Variants in NLRC5 observed in about 807,000 individuals in gnomAD.
NLRC5 encodes NLR family CARD domain containing 5.
A neutral mutation model predicts 206.9 loss-of-function variants in NLRC5; 114 were observed. That is an observed-to-expected ratio of 0.55 (90% confidence interval 0.47 to 0.64). The LOEUF is 0.64. NLRC5 is among the 30% of genes least tolerant of loss of function. The probability of loss-of-function intolerance (pLI) is 0.00; values close to 1 mark genes in which losing one functional copy is unlikely to be tolerated. For synonymous variants in NLRC5, 952 were observed against 962.8 expected, an observed-to-expected ratio of 0.99 and a Z score of 0.21; for missense variants, 2,008 against 2,305.5, an observed-to-expected ratio of 0.87 and a Z score of 2.64.
chr16:57,019,477 T>C (rs2060433581), intron 2 of NLRC5, among the ~76,000 whole-genome samples: 1 of 152,108 alleles, frequency 6.6e-6, no homozygotes, highest in African/African-American at 2.4e-5. Flanking sequence ...AGGATTAGAG[T>C]TCACTGTGAG....
chr16:57,075,984 C>T (rs2068349462), intron 39 of NLRC5: 1 of 168,306 alleles, frequency 5.9e-6, no homozygotes, highest in Admixed American at 6.3e-5. Flanking sequence ...CATGATCTCA[C>T]TTCACTGCAA....
At chr16:57,013,119 T>C (rs763781224) in intron 1 of NLRC5, 10 of 319,426 alleles carry the variant, frequency 3.1e-5, no homozygotes, top group Non-Finnish European at 4.9e-5. Context: ...TTATAGTGAA[T>C]AGTAATTTAT....
At chr16:56,992,844 T>C (rs2057071878) in intron 1 of NLRC5, among the ~76,000 whole-genome samples, 1 of 151,550 alleles carries the variant, frequency 6.6e-6, no homozygotes, top group Non-Finnish European at 1.5e-5. Context: ...ATAAATGATA[T>C]GGAATTATGC....
At chr16:57,032,101 A>G (rs2061946376) in intron 11 of NLRC5, among the ~76,000 whole-genome samples, 1 of 152,068 alleles carries the variant, frequency 6.6e-6, no homozygotes, top group Non-Finnish European at 1.5e-5. Context: ...TTGCTTGTAT[A>G]ATGACCTGGT....
intron 1 of NLRC5, among the ~76,000 whole-genome samples, chr16:57,011,175 G>A (rs1171212506): frequency 6.6e-6 from 1 of 152,178 alleles, no homozygotes; most frequent in Non-Finnish European, 1.5e-5. Context: ...CACTTTGGGA[G>A]GCCGAGGCAG....
chr16:57,023,186 T>C (rs2060865019), intron 4 of NLRC5, among the ~76,000 whole-genome samples: 1 of 152,256 alleles, frequency 6.6e-6, no homozygotes, highest in African/African-American at 2.4e-5. Context: ...CTGAGTCCTC[T>C]TTCCTTTCTC....
At position 57,015,922 on chromosome 16, in the gene NLRC5, T is replaced by C. The variant is rs1202149020; in HGVS notation, c.-127-1152T>C. ...CCTGGGCAACAAGAATGAAACTCCA[T>C]CTCAAAAAAAAAAAAAAAAAAAAAA... On this transcript the variant is annotated intron_variant, in intron 1 of 48. Coordinates refer to ENST00000688547, the MANE Select transcript of NLRC5 (RefSeq NM_001384950.1). 2.7e-4 allele frequency among the ~76,000 whole-genome samples: 9 copies of C among 33,040 alleles called. 1 individual carries two copies. The highest frequency in any genetic ancestry group is 9.1e-4 in the African/African-American group (8 of 8,830). 21.7% of individuals were successfully genotyped at this position (33,040 alleles called of 152,430 possible).
intron 30 of NLRC5, among the ~76,000 whole-genome samples, chr16:57,061,059 G>C (rs1403526142): frequency 6.6e-6 from 1 of 152,258 alleles, no homozygotes; most frequent in Non-Finnish European, 1.5e-5. Flanking sequence ...ATGGAAACCA[G>C]ATTCTGCCCT....
In NLRC5 at chr16:57,074,634, G is replaced by A; in HGVS notation, c.4702G>A (p.Ala1568Thr). The part of the protein sequence containing the change: ...SHLLLNSSTL[A>T]LLTHRLSQMT... ...CCTTCTGCTGAACAGCTCCACCTTG[G>A]CCTTGCTTACTCACAGACTAAGCCA... Residue 1568 changes from alanine (A) to threonine (T), a missense_variant, in exon 39 of 49, where the codon GCC becomes ACC. Ala to Thr is a moderately conservative substitution (Grantham distance 58). Coordinates refer to ENST00000688547, the MANE Select transcript of NLRC5 (RefSeq NM_001384950.1). 2 of 1,613,896 alleles carry A rather than the reference G, an allele frequency of 1.2e-6. No homozygotes were observed. The highest frequency in any genetic ancestry group is 1.1e-5 in the South Asian group (1 of 91,062).
intron 21 of NLRC5, 51 bp from the exon 22 acceptor site, chr16:57,046,501 G>A (rs1168955012): frequency 6.7e-7 from 1 of 1,497,462 alleles, no homozygotes; most frequent in African/African-American, 1.4e-5. Context: ...GCTGGGCTGG[G>A]AGTCCGAGGG....
intron 10 of NLRC5, among the ~76,000 whole-genome samples, chr16:57,030,802 T>C (rs1026054762): frequency 6.6e-5 from 10 of 152,294 alleles, no homozygotes; most frequent in Admixed American, 3.9e-4. Context: ...TTCTTACTCA[T>C]AAAAATTTCT....
At chr16:57,001,263 A>T (rs530310266) in intron 1 of NLRC5, among the ~76,000 whole-genome samples, 1 of 152,286 alleles carries the variant, frequency 6.6e-6, no homozygotes, top group African/African-American at 2.4e-5. Context: ...TCTTTGAGGT[A>T]TTTCTGTCCA....
Position 57,022,253 on chromosome 16 carries a change from C to G in NLRC5, c.296-3C>G. On this transcript the variant is annotated splice_region_variant and splice_polypyrimidine_tract_variant and intron_variant, in intron 3 of 48. Coordinates refer to ENST00000688547, the MANE Select transcript of NLRC5 (RefSeq NM_001384950.1). ...CCACATTATACTCTCCCCTCTCTTG[C>G]AGGGTTCACCAGCCAGCTGGGAGCT... is the stretch of plus-strand genomic sequence containing the variant. 2 of 1,611,052 alleles carry G rather than the reference C, an allele frequency of 1.2e-6. No homozygotes were observed. Among genetic ancestry groups the G allele is most frequent in the Non-Finnish European group, 1.7e-6 (2 of 1,177,506 alleles).
At position 57,082,548 on chromosome 16, in the gene NLRC5, G is replaced by A. The variant is rs912566950; in HGVS notation, c.*20G>A. ...ACTTGATGGCCCCCTCAAGACCTTTGGAATCCAGCCAAGTGATGCACCCAA... is the reference window on the plus strand; with the variant it reads ...ACTTGATGGCCCCCTCAAGACCTTTAGAATCCAGCCAAGTGATGCACCCAA... On this transcript the variant is annotated 3_prime_UTR_variant, in exon 49 of 49. Coordinates refer to ENST00000688547, the MANE Select transcript of NLRC5 (RefSeq NM_001384950.1). 1.5e-5 allele frequency: 24 copies of A among 1,558,678 alleles called. No individual in the cohort carries two copies. Among genetic ancestry groups the A allele is most frequent in the Non-Finnish European group, 2.1e-5 (24 of 1,133,504 alleles).
At chr16:57,003,537 C>T (rs1371564204) in intron 1 of NLRC5, among the ~76,000 whole-genome samples, 2 of 152,104 alleles carry the variant, frequency 1.3e-5, no homozygotes, top group Admixed American at 1.3e-4. Flanking sequence ...CTTCCGGGGT[C>T]GCCTTTGCCT....
intron 1 of NLRC5, among the ~76,000 whole-genome samples, chr16:57,008,846 C>T (rs2059188496): frequency 1.3e-5 from 2 of 152,032 alleles, no homozygotes; most frequent in South Asian, 4.1e-4. Context: ...GCAAAAATTA[C>T]AGAACTAGAA....
At chr16:57,054,645 G>A in intron 24 of NLRC5, 106 bp from the exon 25 acceptor site, 2 of 846,296 alleles carry the variant, frequency 2.4e-6, no homozygotes, top group Non-Finnish European at 4.1e-6. Flanking sequence ...CTTCCCTATT[G>A]CCTTGCTGAG....
chr16:57,012,435 A>T (rs1435182244), intron 1 of NLRC5, among the ~76,000 whole-genome samples: 1 of 152,210 alleles, frequency 6.6e-6, no homozygotes, highest in Non-Finnish European at 1.5e-5. Context: ...AGGGGTCCCC[A>T]ACCCCCAGGC....
chr16:57,053,598 G>A (rs1163717550), intron 24 of NLRC5, among the ~76,000 whole-genome samples: 3 of 152,110 alleles, frequency 2.0e-5, no homozygotes, highest in African/African-American at 7.2e-5. Context: ...GCGCAATCTC[G>A]GCTCACTGCA....
Sources: gnomAD v4.1 joint callset for allele counts (sites outside exome capture counted in the v4.1 genomes callset) on GRCh38, gnomAD v4.1.1 for gene constraint, MANE v1.5 for transcripts, NCBI Gene and HGNC (gene_info 2026-07-23, HGNC 2026-07-21) for gene names.